MSI2: variants seen among roughly 807,000 people sequenced by gnomAD.
MSI2 encodes RNA-binding protein Musashi homolog 2.
MSI2 carries 17 observed loss-of-function variants against 45.6 expected under a neutral mutation model. That is an observed-to-expected ratio of 0.37 (90% CI 0.26 to 0.56). The LOEUF is 0.56. Among genes scored for constraint, MSI2 ranks in the 20% least tolerant of loss-of-function variants. The pLI is 0.77. For synonymous variants in MSI2, 156 were observed against 158.2 expected, an observed-to-expected ratio of 0.99 and a Z score of 0.11; for missense variants, 293 against 444.2, an observed-to-expected ratio of 0.66 and a Z score of 3.06.
intron 7 of MSI2, among the ~76,000 whole-genome samples, chr17:57,530,881 A>G (rs1369982920): frequency 6.6e-6 from 1 of 151,708 alleles, no homozygotes; most frequent in South Asian, 2.1e-4. Context: ...CTTCAAATGC[A>G]TCCCTCTACA....
chr17:57,315,356 T>A (rs1240560261), intron 5 of MSI2, among the ~76,000 whole-genome samples: 2 of 151,544 alleles, frequency 1.3e-5, no homozygotes, highest in Admixed American at 6.6e-5. Flanking sequence ...GTGTGTCCTG[T>A]CGACTCAAGG....
chr17:57,386,558 C>G (rs540320585), intron 5 of MSI2, among the ~76,000 whole-genome samples: 2 of 152,256 alleles, frequency 1.3e-5, no homozygotes, highest in East Asian at 3.9e-4. Flanking sequence ...GATGCAAGTC[C>G]TTAACTTCCA....
At chr17:57,519,298 G>A (rs947984098) in intron 6 of MSI2, among the ~76,000 whole-genome samples, 3 of 152,170 alleles carry the variant, frequency 2.0e-5, no homozygotes, top group Non-Finnish European at 1.5e-5. Flanking sequence ...GCCAGGATGG[G>A]GCAGTGAATT....
intron 5 of MSI2, among the ~76,000 whole-genome samples, chr17:57,374,774 A>G (rs1057367063): frequency 3.3e-5 from 5 of 152,180 alleles, no homozygotes; most frequent in Admixed American, 3.3e-4. Flanking sequence ...GTGAGACTTC[A>G]TCTCATAAAT....
intron 6 of MSI2, among the ~76,000 whole-genome samples, chr17:57,475,581 T>G (rs2085521888): frequency 6.6e-6 from 1 of 152,190 alleles, no homozygotes; most frequent in East Asian, 1.9e-4. Context: ...AAAATTTACC[T>G]TTAAAACAAA....
rs778403396 is a variant in MSI2 at position 57,407,788 on chromosome 17, T to C, written c.405+6317T>C. Among the ~76,000 whole-genome samples, 18 of 152,206 alleles carry C rather than the reference T, an allele frequency of 1.2e-4. No individual in the cohort carries two copies. Among genetic ancestry groups the C allele is most frequent in the Non-Finnish European group, 2.5e-4 (17 of 68,034 alleles). On this transcript the variant is annotated intron_variant, in intron 6 of 13. Coordinates refer to ENST00000284073, the MANE Select transcript of MSI2 (RefSeq NM_138962.4). This position sits in a 1 kb window ranked among gnomAD's most constrained non-coding sequence, Gnocchi z 4.1. ...GGCTACTTTTGTGTTTAAATTTTCTTCCTCTAATAGCCCAGAACAAAGCCA... is the reference window on the plus strand; with the variant it reads ...GGCTACTTTTGTGTTTAAATTTTCTCCCTCTAATAGCCCAGAACAAAGCCA...
At chr17:57,435,288 C>G (rs767660443) in intron 6 of MSI2, among the ~76,000 whole-genome samples, 2 of 151,932 alleles carry the variant, frequency 1.3e-5, no homozygotes, top group African/African-American at 2.4e-5. Context: ...GTGCAAAGGC[C>G]CTGTGACGGG....
chr17:57,409,961 T>A (rs1389731410), intron 6 of MSI2, among the ~76,000 whole-genome samples: 6 of 128,922 alleles, frequency 4.7e-5, no homozygotes, highest in African/African-American at 1.7e-4. Context: ...TGAGCCGAGA[T>A]CGTGCCACTG....
intron 8 of MSI2, among the ~76,000 whole-genome samples, chr17:57,603,791 C>T (rs957834947): frequency 6.6e-6 from 1 of 152,248 alleles, no homozygotes; most frequent in Non-Finnish European, 1.5e-5. Flanking sequence ...GGCCTGCTGG[C>T]CACAGTTTGT....
chr17:57,652,573 G>A lies in MSI2; in HGVS notation c.790+412G>A, dbSNP rs1911243795. On this transcript the variant is annotated intron_variant, in intron 11 of 13. Coordinates refer to ENST00000284073, the MANE Select transcript of MSI2 (RefSeq NM_138962.4). The surrounding 1 kb of genome is among the most constrained non-coding windows in gnomAD (Gnocchi z 4.1). ...CAGAGAAGTGCTAGGCTGTCCCCTG[G>A]GACCCTGCTGCACTGGTAGGTGGGC... is the stretch of plus-strand genomic sequence containing the variant. 6.6e-6 allele frequency among the ~76,000 whole-genome samples: 1 copy of A among 152,164 alleles called. No individual in the cohort carries two copies. Among genetic ancestry groups the A allele is most frequent in the South Asian group, 2.1e-4 (1 of 4,830 alleles).
chr17:57,677,614 G>A (rs946489949), intron 13 of MSI2, among the ~76,000 whole-genome samples: 4 of 152,150 alleles, frequency 2.6e-5, no homozygotes, highest in African/African-American at 7.2e-5. Context: ...AAAAGAAAAC[G>A]TTTTTGCCAG....
At chr17:57,378,237 T>G (rs1000816386) in intron 5 of MSI2, among the ~76,000 whole-genome samples, 2 of 151,620 alleles carry the variant, frequency 1.3e-5, no homozygotes, top group East Asian at 3.9e-4. Context: ...GGCATGTACC[T>G]CCATGTCCGG....
rs1442915983 is a variant in MSI2 at position 57,322,555 on chromosome 17, C to G, written c.312+60363C>G. 5.3e-5 allele frequency among the ~76,000 whole-genome samples: 8 copies of G among 151,894 alleles called. No individual in the cohort carries two copies. In the South Asian group the frequency reaches 1.7e-3, roughly 31 times the overall value. On this transcript the variant is annotated intron_variant, in intron 5 of 13. Transcript: ENST00000284073. ...TGAAATAACAGCATAGAAATAAAAA[C>G]TCCCCAAGGAAGCATAAATCAACCC...
At chr17:57,285,722 G>A (rs1478369396) in intron 5 of MSI2, 1 of 708,462 alleles carries the variant, frequency 1.4e-6, no homozygotes, top group Non-Finnish European at 2.1e-6. Context: ...GTCTCCCCAA[G>A]TAGGTATTCC....
chr17:57,636,968 CAG>C, intron 10 of MSI2, among the ~76,000 whole-genome samples: 1 of 152,350 alleles, frequency 6.6e-6, no homozygotes, highest in Non-Finnish European at 1.5e-5. Flanking sequence ...GCACTGTAAA[CAG>C]AAATGCTCCC....
chr17:57,497,008 G>A (rs779232402), intron 6 of MSI2, among the ~76,000 whole-genome samples: 3 of 151,948 alleles, frequency 2.0e-5, no homozygotes, highest in Admixed American at 6.6e-5. Flanking sequence ...ATGGAGTTTC[G>A]CTCTCGTTGC....
intron 5 of MSI2, among the ~76,000 whole-genome samples, chr17:57,312,020 C>A (rs1003982171): frequency 6.6e-6 from 1 of 152,148 alleles, no homozygotes; most frequent in Non-Finnish European, 1.5e-5. Flanking sequence ...TTGATACCTG[C>A]TTTCTCTGGA....
At chr17:57,403,323 GT>G (rs1329720779) in intron 6 of MSI2, among the ~76,000 whole-genome samples, 2 of 151,968 alleles carry the variant, frequency 1.3e-5, no homozygotes, top group Non-Finnish European at 2.9e-5. Context: ...TCTCTCTGTT[GT>G]TTTTCATTAA....
At chr17:57,475,550 T>C (rs2085521415) in intron 6 of MSI2, among the ~76,000 whole-genome samples, 1 of 152,160 alleles carries the variant, frequency 6.6e-6, no homozygotes, top group Admixed American at 6.5e-5. Context: ...ACATTTTTTT[T>C]CAAATCTCTT....
Sources: gnomAD v4.1 joint callset for allele counts (sites outside exome capture counted in the v4.1 genomes callset) on GRCh38, gnomAD v4.1.1 for gene constraint, Gnocchi (gnomAD v3.1) non-coding constraint, MANE v1.5 for transcripts, NCBI Gene and HGNC (gene_info 2026-07-23, HGNC 2026-07-21) for gene names.